The following STOML3 variants were observed in gnomAD, a reference collection of about 807,000 sequenced individuals.
STOML3 encodes stomatin-like protein 3.
In STOML3, 31 loss-of-function variants were observed where a neutral mutation model predicts 29.5. The ratio of observed to expected loss-of-function variants is 1.05; its 90% CI spans 0.79 to 1.42. The LOEUF is 1.42. STOML3 is among the 40% of genes most tolerant of loss of function. STOML3 has a pLI of 0.00. For missense variants in STOML3, 380 were observed against 363.0 expected (o/e 1.05, Z -0.38); for synonymous variants, 122 against 139.8 (o/e 0.87, Z 0.90).
chr13:38,974,141 A>G (rs1880988745), intron 3 of STOML3, among the ~76,000 whole-genome samples: 1 of 152,160 alleles, frequency 6.6e-6, no homozygotes, highest in Admixed American at 6.5e-5. Context: ...AACTCTTAAC[A>G]TTAACCTGGT....
At chr13:38,984,428 C>T (rs920672410) in intron 1 of STOML3, among the ~76,000 whole-genome samples, 14 of 152,282 alleles carry the variant, frequency 9.2e-5, no homozygotes, top group African/African-American at 2.6e-4. Context: ...GTTTCTAATA[C>T]AGTCACATAC....
In STOML3 at chr13:38,972,610, T is replaced by A. The variant is rs1880917791; in HGVS notation, c.230-16A>T. ...AGGATCAAACCTATGAGAGAAAAAATCAGTTTAAAATGTTGCTCTGTTGAA... is the reference window on the plus strand; with the variant it reads ...AGGATCAAACCTATGAGAGAAAAAAACAGTTTAAAATGTTGCTCTGTTGAA... On this transcript the variant is annotated splice_polypyrimidine_tract_variant and intron_variant, in intron 3 of 6. Transcript: ENST00000379631. The A allele has an allele frequency of 1.2e-6, 2 of 1,612,532 alleles. No homozygotes were observed. Among genetic ancestry groups the A allele is most frequent in the Non-Finnish European group, 1.7e-6 (2 of 1,179,072 alleles).
intron 5 of STOML3, 56 bp downstream of exon 5, chr13:38,970,129 T>C (rs183549085): frequency 6.6e-7 from 1 of 1,512,134 alleles, no homozygotes; most frequent in Non-Finnish European, 9.1e-7. Context: ...TAATAATCAC[T>C]GATAATTAAA....
rs776999336 is a variant in STOML3, at chr13:38,966,995, T to A, written c.706A>T (p.Met236Leu). 6.2e-7 allele frequency: 1 copy of A among 1,614,134 alleles called. No homozygotes were observed. Among genetic ancestry groups the A allele is most frequent in the East Asian group, 2.2e-5 (1 of 44,878 alleles). ...GCTATGGGAGACTCAGCCAGCACCA[T>A]GGAGGCTGACTTCAGGGATTTGGAA... ...NASKSLKSAS[M>L]VLAESPIALQ... The change falls in exon 7 of 7, where the codon ATG becomes TTG. Residue 236 changes from methionine (M) to leucine (L), a missense_variant. Met to Leu is a conservative substitution (Grantham distance 15, BLOSUM62 2). Transcript: ENST00000379631.
At chr13:38,981,877 G>A (rs1306862685) in intron 1 of STOML3, among the ~76,000 whole-genome samples, 1 of 152,128 alleles carries the variant, frequency 6.6e-6, no homozygotes, top group East Asian at 1.9e-4. Context: ...AGCTAAACAT[G>A]TATCTACTTT....
At chr13:38,987,470 C>A (rs775702578) in intron 1 of STOML3, among the ~76,000 whole-genome samples, 2 of 151,536 alleles carry the variant, frequency 1.3e-5, no homozygotes, top group South Asian at 2.1e-4. Flanking sequence ...CTAGCCTGGG[C>A]GACAGAGCAA....
intron 1 of STOML3, among the ~76,000 whole-genome samples, chr13:38,987,715 A>G (rs1868641358): frequency 7.5e-6 from 1 of 132,840 alleles, no homozygotes; most frequent in Non-Finnish European, 1.5e-5. Context: ...TATTATATAT[A>G]TTAATTCATA....
chr13:38,974,329 C>T (rs1316021253), intron 3 of STOML3, among the ~76,000 whole-genome samples: 1 of 152,012 alleles, frequency 6.6e-6, no homozygotes, highest in Non-Finnish European at 1.5e-5. Context: ...TATCACCACC[C>T]CTTTACACAG....
intron 1 of STOML3, 44 bp downstream of exon 1, chr13:38,990,626 C>T (rs1229026460): frequency 6.9e-6 from 11 of 1,601,390 alleles, no homozygotes; most frequent in Non-Finnish European, 9.4e-6. Flanking sequence ...CCTGCTTTGC[C>T]ATATATGTAA....
At chr13:38,987,069 TAATA>T (rs1339732485) in intron 1 of STOML3, among the ~76,000 whole-genome samples, 2 of 152,186 alleles carry the variant, frequency 1.3e-5, no homozygotes, top group Non-Finnish European at 2.9e-5. Flanking sequence ...AGTGATGTGA[TAATA>T]AATGTCTAAA....
At chr13:38,981,418 G>A (rs1375936037) in intron 1 of STOML3, among the ~76,000 whole-genome samples, 1 of 152,134 alleles carries the variant, frequency 6.6e-6, no homozygotes, top group East Asian at 1.9e-4. Context: ...CCAGGAAGTA[G>A]GAGAGAATGT....
intron 3 of STOML3, among the ~76,000 whole-genome samples, chr13:38,975,343 A>G (rs1371237518): frequency 2.0e-5 from 3 of 150,820 alleles, no homozygotes; most frequent in Non-Finnish European, 4.4e-5. Context: ...AGAAAAACAA[A>G]AAAAAGAAGG....
At chr13:38,987,474 A>C (rs1013352338) in intron 1 of STOML3, among the ~76,000 whole-genome samples, 1 of 151,880 alleles carries the variant, frequency 6.6e-6, no homozygotes, top group African/African-American at 2.4e-5. Flanking sequence ...CCTGGGCGAC[A>C]GAGCAAGACC....
intron 4 of STOML3, among the ~76,000 whole-genome samples, chr13:38,972,107 T>A (rs770489286): frequency 1.3e-5 from 2 of 152,176 alleles, no homozygotes; most frequent in Non-Finnish European, 2.9e-5. Flanking sequence ...GAGAAGGTGA[T>A]AGAGAGGGTG....
intron 1 of STOML3, among the ~76,000 whole-genome samples, chr13:38,986,651 A>C (rs1276122601): frequency 6.6e-6 from 1 of 152,170 alleles, no homozygotes; most frequent in Non-Finnish European, 1.5e-5. Context: ...CGAGGGGTAA[A>C]CATTATCTTT....
At position 38,966,815 on chromosome 13, in the gene STOML3, C is replaced by T; in HGVS notation, c.*10G>A. ...CTCTCTATGCAATAGCTGACTACCG[C>T]AAGAGGACCTCAGGCTTTATTTGGA... On this transcript the variant is annotated 3_prime_UTR_variant, in exon 7 of 7. Coordinates refer to ENST00000379631, the MANE Select transcript of STOML3 (RefSeq NM_145286.3). 6.2e-7 allele frequency: 1 copy of T among 1,611,048 alleles called. No individual in the cohort carries two copies. The highest frequency in any genetic ancestry group is 8.5e-7 in the Non-Finnish European group (1 of 1,178,696).
At chr13:38,970,060 CTGTG>C in intron 5 of STOML3, 121 bp downstream of exon 5, 1 of 768,890 alleles carries the variant, frequency 1.3e-6, no homozygotes, top group South Asian at 2.0e-5. Flanking sequence ...GAGCAGTTGT[CTGTG>C]TGTGAGTGTG....
At chr13:38,973,146 G>T (rs146293589) in intron 3 of STOML3, among the ~76,000 whole-genome samples, 1 of 147,412 alleles carries the variant, frequency 6.8e-6, no homozygotes, top group African/African-American at 2.5e-5. Context: ...TCTGGGCATG[G>T]TCACACATGC....
At chr13:38,973,447 G>A (rs1435850068) in intron 3 of STOML3, among the ~76,000 whole-genome samples, 1 of 152,190 alleles carries the variant, frequency 6.6e-6, no homozygotes, top group Non-Finnish European at 1.5e-5. Flanking sequence ...AGATCAAGAT[G>A]CTCATAGATG....
Sources: gnomAD v4.1 joint callset for allele counts (sites outside exome capture counted in the v4.1 genomes callset) on GRCh38, gnomAD v4.1.1 for gene constraint, MANE v1.5 for transcripts, NCBI Gene and HGNC (gene_info 2026-07-23, HGNC 2026-07-21) for gene names.